Variants in GALNT13 observed in about 807,000 individuals in gnomAD.
The protein encoded by GALNT13 is polypeptide N-acetylgalactosaminyltransferase 13.
Under a neutral mutation model 64.2 loss-of-function variants are expected in GALNT13, and 28 were observed. That is an observed-to-expected ratio of 0.44 (90% CI 0.32 to 0.60). The LOEUF (loss-of-function observed/expected upper bound fraction) is 0.60, where lower values mean the gene tolerates loss of function less well. Ranked by LOEUF, GALNT13 falls within the 20% of genes least tolerant of loss-of-function variation. GALNT13 has a pLI of 0.05. For synonymous variants in GALNT13, 214 were observed against 224.6 expected (o/e 0.95, Z 0.42); for missense variants, 577 against 669.8 (o/e 0.86, Z 1.53).
chr2:153,773,128 C>G, the GALNT13 span, among the ~76,000 whole-genome samples: 1 of 152,216 alleles, frequency 6.6e-6, no homozygotes, highest in Non-Finnish European at 1.5e-5. Context: ...GCCTGGTATT[C>G]CTTGACCAGG....
At chr2:153,069,887 A>G in the GALNT13 span, among the ~76,000 whole-genome samples, 2 of 152,160 alleles carry the variant, frequency 1.3e-5, no homozygotes, top group Non-Finnish European at 2.9e-5. Context: ...GATGATGTGC[A>G]TTAACTGTGT....
intron 8 of GALNT13, among the ~76,000 whole-genome samples, chr2:154,292,692 A>C (rs977093363): frequency 1.3e-5 from 2 of 152,298 alleles, no homozygotes; most frequent in East Asian, 1.9e-4. Context: ...ATTTGTTTTC[A>C]ATAAGACTAT....
intron 3 of GALNT13, among the ~76,000 whole-genome samples, chr2:154,067,208 T>TAAGG (rs1487225152): frequency 6.6e-6 from 1 of 151,790 alleles, no homozygotes; most frequent in East Asian, 1.9e-4. Flanking sequence ...TCTTCACTAA[T>TAAGG]AAGGAAGGAA....
At chr2:154,304,196 G>A (rs557609304) in intron 9 of GALNT13, among the ~76,000 whole-genome samples, 6 of 152,228 alleles carry the variant, frequency 3.9e-5, no homozygotes, top group African/African-American at 1.2e-4. Flanking sequence ...TTTTTCACAC[G>A]TTTTCAAGCC....
At chr2:154,348,398 A>T (rs186430644) in intron 9 of GALNT13, among the ~76,000 whole-genome samples, 5 of 152,176 alleles carry the variant, frequency 3.3e-5, no homozygotes, top group Admixed American at 3.3e-4. Flanking sequence ...AGTGCTTAAT[A>T]GTTTCTCGGT....
the GALNT13 span, among the ~76,000 whole-genome samples, chr2:153,222,755 C>T: frequency 6.6e-6 from 1 of 152,208 alleles, no homozygotes; most frequent in East Asian, 1.9e-4. Context: ...CATACCCGGG[C>T]TGTGACAGTG....
At chr2:154,308,382 C>G (rs1365211368) in intron 9 of GALNT13, among the ~76,000 whole-genome samples, 1 of 152,114 alleles carries the variant, frequency 6.6e-6, no homozygotes, top group African/African-American at 2.4e-5. Flanking sequence ...TCATTTCCAT[C>G]TCTTGAAATT....
chr2:153,189,679 G>A, the GALNT13 span, among the ~76,000 whole-genome samples: 2 of 152,146 alleles, frequency 1.3e-5, no homozygotes, highest in Non-Finnish European at 2.9e-5. Context: ...TCTCCATACA[G>A]TGATTCATAA....
At chr2:153,163,978 A>T in the GALNT13 span, among the ~76,000 whole-genome samples, 8 of 150,232 alleles carry the variant, frequency 5.3e-5, no homozygotes, top group Non-Finnish European at 3.0e-5. Flanking sequence ...AGATCGCGCC[A>T]CTGCACTCCA....
At chr2:154,344,894 T>C (rs1695980995) in intron 9 of GALNT13, among the ~76,000 whole-genome samples, 1 of 152,028 alleles carries the variant, frequency 6.6e-6, no homozygotes, top group Non-Finnish European at 1.5e-5. Context: ...TAATTGTTGA[T>C]GGGATCTATG....
intron 3 of GALNT13, among the ~76,000 whole-genome samples, chr2:153,988,210 A>G (rs1694932262): frequency 1.3e-5 from 2 of 151,858 alleles, no homozygotes; most frequent in Admixed American, 6.6e-5. Flanking sequence ...TTATCTTGCA[A>G]TATACTGTAC....
the GALNT13 span, among the ~76,000 whole-genome samples, chr2:153,461,904 G>C: frequency 6.6e-6 from 1 of 152,028 alleles, no homozygotes; most frequent in Admixed American, 6.6e-5. Flanking sequence ...GAGATGGAGG[G>C]GAAGAACTGC....
At chr2:153,610,797 T>C in the GALNT13 span, among the ~76,000 whole-genome samples, 6 of 152,056 alleles carry the variant, frequency 3.9e-5, no homozygotes, top group African/African-American at 1.4e-4. Flanking sequence ...AAAGACATAC[T>C]AGGAAAGTGC....
chr2:153,669,480 G>A, the GALNT13 span, among the ~76,000 whole-genome samples: 2 of 152,062 alleles, frequency 1.3e-5, no homozygotes, highest in Non-Finnish European at 2.9e-5. Context: ...AAACAAACCT[G>A]CACATGTATC....
At chr2:154,178,830 A>C (rs924221860) in intron 4 of GALNT13, among the ~76,000 whole-genome samples, 2 of 152,182 alleles carry the variant, frequency 1.3e-5, no homozygotes, top group Non-Finnish European at 2.9e-5. Context: ...AAATGCAAAT[A>C]GTAATCATGT....
the GALNT13 span, among the ~76,000 whole-genome samples, chr2:153,218,218 C>A: frequency 6.6e-6 from 1 of 152,162 alleles, no homozygotes; most frequent in South Asian, 2.1e-4. Context: ...CAGAAATATT[C>A]TACTGTTGCT....
At chr2:153,390,379 G>A in the GALNT13 span, among the ~76,000 whole-genome samples, 2 of 151,964 alleles carry the variant, frequency 1.3e-5, no homozygotes, top group Non-Finnish European at 2.9e-5. Context: ...GTTGATGGGT[G>A]CAGCAAACCA....
the GALNT13 span, among the ~76,000 whole-genome samples, chr2:153,096,414 G>A: frequency 2.0e-5 from 3 of 152,112 alleles, no homozygotes; most frequent in African/African-American, 7.2e-5. Context: ...AGCCCTGATA[G>A]TTCTTTGATT....
At chr2:153,900,011 C>T (rs1253965767) in intron 1 of GALNT13, among the ~76,000 whole-genome samples, 1 of 146,310 alleles carries the variant, frequency 6.8e-6, no homozygotes, top group East Asian at 2.0e-4. Flanking sequence ...TCTCATCTCA[C>T]TGCAACCTCC....
Sources: allele counts gnomAD v4.1 joint callset (sites outside exome capture counted in the v4.1 genomes callset), GRCh38; gene constraint gnomAD v4.1.1; transcripts MANE v1.5; gene names NCBI Gene and HGNC (gene_info 2026-07-23, HGNC 2026-07-21).